ARID4B: variants seen among roughly 807,000 people sequenced by gnomAD.
ARID4B encodes AT-rich interactive domain-containing protein 4B.
ARID4B carries 26 observed loss-of-function variants against 147.5 expected under a neutral mutation model. The ratio of observed to expected loss-of-function variants is 0.18; its 90% CI spans 0.13 to 0.24. The LOEUF is 0.24. Among genes scored for constraint, ARID4B ranks in the 10% least tolerant of loss-of-function variants. ARID4B has a pLI of 1.00. For synonymous variants in ARID4B, 512 were observed against 507.9 expected (o/e 1.01, Z -0.11); for missense variants, 1,179 against 1,511.5 (o/e 0.78, Z 3.65).
intron 20 of ARID4B, among the ~76,000 whole-genome samples, chr1:235,179,525 C>CAAAAAA (rs61143006): frequency 1.8e-3 from 89 of 48,322 alleles, no homozygotes; most frequent in African/African-American, 2.8e-3. Flanking sequence ...CTCTATGTCT[C>CAAAAAA]AAAAAAAAAA....
At position 235,168,538 on chromosome 1, in the gene ARID4B, A is replaced by G. The variant is rs1663096100; in HGVS notation, c.3926T>C (p.Val1309Ala). The change falls in exon 24 of 24, where the codon GTT becomes GCT. Residue 1309 changes from valine (V) to alanine (A), a missense_variant. Physicochemically the swap from Val to Ala is moderately conservative, Grantham distance 64. This residue lies in a region of ARID4B where 357 missense variants were observed against 427.3 expected (regional missense o/e 0.84). Coordinates refer to ENST00000264183, the MANE Select transcript of ARID4B (RefSeq NM_016374.6). ...MSSASQNGMSVECR is the reference protein window; with the variant it reads ...MSSASQNGMSAECR ...CAAGTCCTGCTGTCACCTGCACTCA[A>G]CTGACATTCCATTTTGTGATGCGCT... 4 of 1,613,978 alleles carry G rather than the reference A, an allele frequency of 2.5e-6. No homozygotes were observed. Among genetic ancestry groups the G allele is most frequent in the Non-Finnish European group, 3.4e-6 (4 of 1,179,986 alleles).
At chr1:235,292,426 C>T (rs1672397843) in intron 2 of ARID4B, among the ~76,000 whole-genome samples, 1 of 152,084 alleles carries the variant, frequency 6.6e-6, no homozygotes, top group Non-Finnish European at 1.5e-5. Flanking sequence ...ACAGCCTGTC[C>T]AACATGGTGA....
rs1208361316 is a variant in ARID4B at position 235,201,945 on chromosome 1, ATACAGTTTTCTGAAAATG to A, written c.1842-5848_1842-5831del. ...TGTCTTGCAATTTTAGATTCAAGCA[ATACAGTTTTCTGAAAATG>A]TGAAAATTCAGGTAGACTGGGTTGT... On this transcript the variant is annotated intron_variant, in intron 17 of 23. Coordinates refer to ENST00000264183, the MANE Select transcript of ARID4B (RefSeq NM_016374.6). Among the ~76,000 whole-genome samples, 7 of 151,824 alleles carry A rather than the reference ATACAGTTTTCTGAAAATG, an allele frequency of 4.6e-5. No homozygotes were observed. In the East Asian group the frequency reaches 1.3e-3, roughly 29 times the overall value.
intron 16 of ARID4B, among the ~76,000 whole-genome samples, chr1:235,219,378 A>T (rs1477878881): frequency 6.6e-6 from 1 of 152,202 alleles, no homozygotes; most frequent in Non-Finnish European, 1.5e-5. Context: ...AAAATAGAAC[A>T]TACAATTTTT....
At chr1:235,301,633 T>G (rs1456161861) in intron 2 of ARID4B, among the ~76,000 whole-genome samples, 1 of 139,358 alleles carries the variant, frequency 7.2e-6, no homozygotes, top group Non-Finnish European at 1.5e-5. Context: ...GCAACCTCCC[T>G]CCACCTCCCA....
intron 23 of ARID4B, among the ~76,000 whole-genome samples, chr1:235,172,109 G>A (rs1268227013): frequency 1.3e-5 from 2 of 152,118 alleles, no homozygotes; most frequent in African/African-American, 2.4e-5. Context: ...TTTTGGTAGA[G>A]TATAAACTCT....
rs541635280 is a variant in ARID4B at position 235,227,994 on chromosome 1, G to A, written c.897+1237C>T. Among the ~76,000 whole-genome samples the A allele has an allele frequency of 3.1e-4, 47 of 151,850 alleles. 1 individual carries two copies. The highest frequency in any genetic ancestry group is 5.1e-4 in the African/African-American group (21 of 41,406). ...ATTACAGGTGTCCACCACCACACCT[G>A]GCTAATTATTTTGTATTTTTAGTAA... On this transcript the variant is annotated intron_variant, in intron 11 of 23. Coordinates refer to ENST00000264183, the MANE Select transcript of ARID4B (RefSeq NM_016374.6).
chr1:235,302,863 T>A (rs1342813855), intron 2 of ARID4B, among the ~76,000 whole-genome samples: 1 of 152,234 alleles, frequency 6.6e-6, no homozygotes, highest in Non-Finnish European at 1.5e-5. Flanking sequence ...ATTACTTGCC[T>A]AACATCACAA....
intron 9 of ARID4B, among the ~76,000 whole-genome samples, chr1:235,233,586 A>G (rs990755058): frequency 1.3e-5 from 2 of 152,238 alleles, no homozygotes; most frequent in Non-Finnish European, 2.9e-5. Flanking sequence ...CTCTAGTCAT[A>G]TAATTCTTAA....
chr1:235,198,815 T>G (rs1039612920), intron 17 of ARID4B, among the ~76,000 whole-genome samples: 1 of 152,190 alleles, frequency 6.6e-6, no homozygotes, highest in Non-Finnish European at 1.5e-5. Context: ...AAAATTCTCA[T>G]GGGGCCGGGC....
chr1:235,314,216 A>G (rs926846565), intron 2 of ARID4B, among the ~76,000 whole-genome samples: 3 of 152,200 alleles, frequency 2.0e-5, no homozygotes, highest in Admixed American at 6.5e-5. Context: ...TCTTGATTAA[A>G]AGAATCCTCA....
intron 8 of ARID4B, among the ~76,000 whole-genome samples, chr1:235,235,707 G>C (rs973135004): frequency 1.3e-5 from 2 of 152,014 alleles, no homozygotes; most frequent in African/African-American, 4.8e-5. Context: ...GATTAGAAGA[G>C]GAGAACCTGG....
intron 17 of ARID4B, among the ~76,000 whole-genome samples, chr1:235,198,841 T>C (rs1049179288): frequency 2.0e-5 from 3 of 152,250 alleles, no homozygotes; most frequent in African/African-American, 7.2e-5. Flanking sequence ...GGCTAACGCC[T>C]GTAATCCCAG....
chr1:235,183,772 TC>T (rs1432277672), intron 19 of ARID4B, among the ~76,000 whole-genome samples: 1 of 116,238 alleles, frequency 8.6e-6, no homozygotes, highest in Non-Finnish European at 1.9e-5. Context: ...CCTTTCTCTT[TC>T]CTTTCTCTTT....
rs564865022 is a variant in ARID4B at position 235,231,196 on chromosome 1, A to T, written c.666-7T>A. 1.3e-5 allele frequency: 17 copies of T among 1,323,098 alleles called. No individual in the cohort carries two copies. Among genetic ancestry groups the T allele is most frequent in the Middle Eastern group, 2.7e-4 (1 of 3,660 alleles). 82.0% of individuals were successfully genotyped at this position (1,323,098 alleles called of 1,614,324 possible). On this transcript the variant is annotated splice_region_variant and splice_polypyrimidine_tract_variant and intron_variant, in intron 9 of 23. Coordinates refer to ENST00000264183, the MANE Select transcript of ARID4B (RefSeq NM_016374.6). ...TTTTCTTGGAACTGAAGTACTATAT[A>T]TTTTTTTTAATTATAAGAGAAGAAA...
intron 2 of ARID4B, among the ~76,000 whole-genome samples, chr1:235,300,259 A>C (rs925911988): frequency 1.3e-5 from 2 of 152,068 alleles, no homozygotes; most frequent in African/African-American, 4.8e-5. Context: ...CTACCAAAAA[A>C]TACAAAATTT....
chr1:235,266,011 A>G (rs1394140025), intron 2 of ARID4B, among the ~76,000 whole-genome samples: 1 of 152,182 alleles, frequency 6.6e-6, no homozygotes, highest in Non-Finnish European at 1.5e-5. Flanking sequence ...ACATAAATAG[A>G]GCAGATGCCA....
intron 2 of ARID4B, among the ~76,000 whole-genome samples, chr1:235,303,934 A>AG (rs1347244293): frequency 3.6e-3 from 1 of 280 alleles, no homozygotes; most frequent in Non-Finnish European, 7.5e-3. Flanking sequence ...TATTACAGGT[A>AG]TTTTTTTTTG....
chr1:235,253,448 A>C (rs924473345), intron 5 of ARID4B, among the ~76,000 whole-genome samples: 1 of 152,214 alleles, frequency 6.6e-6, no homozygotes, highest in African/African-American at 2.4e-5. Flanking sequence ...CCTGGGGGTA[A>C]ATTCATCCCA....
Sources: gnomAD v4.1 joint callset for allele counts (sites outside exome capture counted in the v4.1 genomes callset) on GRCh38, gnomAD v4.1.1 for gene constraint, gnomAD v4.1.1 regional missense constraint, MANE v1.5 for transcripts, NCBI Gene and HGNC (gene_info 2026-07-23, HGNC 2026-07-21) for gene names.